DNER: variants seen among roughly 807,000 people sequenced by gnomAD.
DNER encodes delta/notch like EGF repeat containing.
A neutral mutation model predicts 78.2 loss-of-function variants in DNER; 33 were observed. That is an observed-to-expected ratio of 0.42 (90% CI 0.32 to 0.56). The LOEUF (loss-of-function observed/expected upper bound fraction) is 0.56, where lower values mean the gene tolerates loss of function less well. DNER is among the 20% of genes least tolerant of loss of function. DNER has a pLI of 0.11. For synonymous variants in DNER, 417 were observed against 384.8 expected (o/e 1.08, Z -0.98); for missense variants, 918 against 975.3 (o/e 0.94, Z 0.78).
At chr2:229,479,808 C>G (rs537865855) in intron 6 of DNER, among the ~76,000 whole-genome samples, 76 of 151,888 alleles carry the variant, frequency 5.0e-4, no homozygotes, top group Non-Finnish European at 1.1e-3. Flanking sequence ...CTGGAGGTGC[C>G]AAGAATTATT....
intron 5 of DNER, among the ~76,000 whole-genome samples, chr2:229,536,287 A>T (rs112032305): frequency 0.02 from 2,986 of 152,284 alleles, 94 homozygotes; most frequent in African/African-American, 0.068. Context: ...GTTTTCTGAC[A>T]TGAAACATCA....
intron 1 of DNER, among the ~76,000 whole-genome samples, chr2:229,661,963 G>A (rs1222951665): frequency 6.6e-6 from 1 of 152,148 alleles, no homozygotes; most frequent in Non-Finnish European, 1.5e-5. Context: ...CCAGCAGGCA[G>A]CCACAAGAAG....
intron 1 of DNER, among the ~76,000 whole-genome samples, chr2:229,666,454 CT>C (rs1192102216): frequency 2.0e-5 from 3 of 152,156 alleles, no homozygotes; most frequent in African/African-American, 7.2e-5. Context: ...TTTTAAGAAG[CT>C]AAACTTAGAA....
chr2:229,381,335 A>G (rs1692731470), intron 11 of DNER, among the ~76,000 whole-genome samples: 1 of 152,096 alleles, frequency 6.6e-6, no homozygotes, highest in Admixed American at 6.5e-5. Context: ...TTCAAGCACA[A>G]AACTGGGCAG....
chr2:229,561,234 C>A (rs1229205290), intron 4 of DNER, among the ~76,000 whole-genome samples: 1 of 152,088 alleles, frequency 6.6e-6, no homozygotes, highest in Non-Finnish European at 1.5e-5. Context: ...AATATTTTTA[C>A]CTTTGTCACT....
At chr2:229,679,765 T>G (rs1699356320) in intron 1 of DNER, among the ~76,000 whole-genome samples, 1 of 152,178 alleles carries the variant, frequency 6.6e-6, no homozygotes, top group Admixed American at 6.5e-5. Context: ...TCACTGGGAT[T>G]GTCATTCACT....
At chr2:229,446,296 C>G (rs1194855041) in intron 8 of DNER, among the ~76,000 whole-genome samples, 1 of 152,188 alleles carries the variant, frequency 6.6e-6, no homozygotes, top group Non-Finnish European at 1.5e-5. Flanking sequence ...CCTCCCAGCC[C>G]TAAGGAGGAG....
intron 6 of DNER, among the ~76,000 whole-genome samples, chr2:229,490,708 G>A (rs972992610): frequency 2.3e-4 from 35 of 152,052 alleles, no homozygotes; most frequent in African/African-American, 8.2e-4. Context: ...GCACTGAATT[G>A]TAAACTTGCT....
intron 11 of DNER, among the ~76,000 whole-genome samples, chr2:229,369,540 G>A (rs1692433509): frequency 6.6e-6 from 1 of 152,082 alleles, no homozygotes; most frequent in African/African-American, 2.4e-5. Context: ...TGGACATGTG[G>A]TGGTGGTCCC....
intron 1 of DNER, among the ~76,000 whole-genome samples, chr2:229,709,996 G>A (rs932371540): frequency 2.0e-5 from 3 of 152,072 alleles, no homozygotes; most frequent in Admixed American, 6.6e-5. Flanking sequence ...AAGCAAGAGC[G>A]GCCTCAATTT....
chr2:229,673,172 A>G (rs781397455), intron 1 of DNER, among the ~76,000 whole-genome samples: 1 of 152,234 alleles, frequency 6.6e-6, no homozygotes, highest in African/African-American at 2.4e-5. Flanking sequence ...GGCAGCTCAG[A>G]TAAGATTCCT....
intron 6 of DNER, among the ~76,000 whole-genome samples, chr2:229,499,278 T>C (rs1448869276): frequency 6.6e-6 from 1 of 151,838 alleles, no homozygotes; most frequent in Non-Finnish European, 1.5e-5. Flanking sequence ...AAATCCTGTC[T>C]CTAATAAAAT....
chr2:229,550,250 C>G lies in DNER; in HGVS notation c.848-3158G>C, dbSNP rs191908941. The stretch of plus-strand genomic sequence containing the variant: ...TCAAGTGATCCTCCCGCCTCGGCCT[C>G]CCAAAGTGCTGGGATTACAGGCAGG... On this transcript the variant is annotated intron_variant, in intron 4 of 12. Coordinates refer to ENST00000341772, the MANE Select transcript of DNER (RefSeq NM_139072.4). Among the ~76,000 whole-genome samples the G allele has an allele frequency of 4.1e-3, 618 of 152,088 alleles. 6 individuals carry two copies. Among genetic ancestry groups the G allele is most frequent in the African/African-American group, 0.013 (520 of 41,524 alleles).
chr2:229,708,122 C>T (rs942519786), intron 1 of DNER, among the ~76,000 whole-genome samples: 1 of 152,148 alleles, frequency 6.6e-6, no homozygotes, highest in Non-Finnish European at 1.5e-5. Context: ...AGGGTGTGGA[C>T]CAGGAGTTTC....
At chr2:229,395,201 A>C (rs1693107788) in intron 10 of DNER, among the ~76,000 whole-genome samples, 2 of 152,322 alleles carry the variant, frequency 1.3e-5, no homozygotes, top group Admixed American at 1.3e-4. Context: ...AATAACTGGC[A>C]GGTGAGAGAT....
At chr2:229,511,150 A>T (rs1695857362) in intron 6 of DNER, among the ~76,000 whole-genome samples, 4 of 152,146 alleles carry the variant, frequency 2.6e-5, no homozygotes. Flanking sequence ...AGTACTTAAT[A>T]ACCCCCATGC....
intron 5 of DNER, among the ~76,000 whole-genome samples, chr2:229,514,343 T>C (rs1185426745): frequency 6.6e-6 from 1 of 152,108 alleles, no homozygotes; most frequent in African/African-American, 2.4e-5. Context: ...CAATTGCAAA[T>C]AGTAATAATG....
chr2:229,628,455 G>A (rs1019348701), intron 1 of DNER, among the ~76,000 whole-genome samples: 9 of 152,176 alleles, frequency 5.9e-5, no homozygotes, highest in Non-Finnish European at 1.0e-4. Flanking sequence ...CCAAAAACAC[G>A]GGAACACGGT....
chr2:229,403,147 A>T (rs1469182066), intron 10 of DNER, among the ~76,000 whole-genome samples: 2 of 152,316 alleles, frequency 1.3e-5, no homozygotes, highest in Admixed American at 6.5e-5. Flanking sequence ...TCAAGCAGAG[A>T]GTTTTTGAAC....
Sources: gnomAD v4.1 joint callset for allele counts (sites outside exome capture counted in the v4.1 genomes callset) on GRCh38, gnomAD v4.1.1 for gene constraint, MANE v1.5 for transcripts, NCBI Gene and HGNC (gene_info 2026-07-23, HGNC 2026-07-21) for gene names.